Variants in SFMBT2 observed in about 807,000 individuals in gnomAD.
SFMBT2 encodes Scm like with four mbt domains 2.
SFMBT2 carries 38 observed loss-of-function variants against 110.1 expected under a neutral mutation model. The observed-to-expected ratio is 0.35, with a 90% confidence interval of 0.27 to 0.45. The LOEUF is 0.45. SFMBT2 is among the 20% of genes least tolerant of loss of function. SFMBT2 has a pLI of 1.00. For missense variants in SFMBT2, 1,011 were observed against 1,094.9 expected, an observed-to-expected ratio of 0.92 and a Z score of 1.08; for synonymous variants, 425 against 425.4, an observed-to-expected ratio of 1.00 and a Z score of 0.01.
At chr10:7,203,716 GCTT>G in intron 12 of SFMBT2, 1 of 980,290 alleles carries the variant, frequency 1.0e-6, no homozygotes, top group Non-Finnish European at 1.2e-6. Flanking sequence ...AGAATCTGCA[GCTT>G]TTTTTTTGTG....
At chr10:7,234,286 T>G (rs187377742) in intron 9 of SFMBT2, among the ~76,000 whole-genome samples, 20 of 152,254 alleles carry the variant, frequency 1.3e-4, no homozygotes, top group African/African-American at 4.6e-4. Context: ...CCCTACCGCC[T>G]TCCTTATCTT....
At chr10:7,274,503 G>A (rs1841704340) in intron 7 of SFMBT2, among the ~76,000 whole-genome samples, 1 of 152,030 alleles carries the variant, frequency 6.6e-6, no homozygotes, top group South Asian at 2.1e-4. Context: ...TGATGATAAG[G>A]GCCTTCCCCC....
intron 4 of SFMBT2, among the ~76,000 whole-genome samples, chr10:7,356,074 T>C (rs1844500371): frequency 6.6e-6 from 1 of 152,216 alleles, no homozygotes; most frequent in Non-Finnish European, 1.5e-5. Context: ...GCACAAGAGA[T>C]GCAGAGAATT....
chr10:7,212,030 G>A (rs190506559), intron 11 of SFMBT2, among the ~76,000 whole-genome samples: 2 of 152,134 alleles, frequency 1.3e-5, no homozygotes, highest in African/African-American at 4.8e-5. Context: ...CAAACTCTAG[G>A]CTGCATGAGA....
intron 8 of SFMBT2, chr10:7,246,153 C>T (rs1003726250): frequency 1.1e-5 from 11 of 984,598 alleles, no homozygotes; most frequent in African/African-American, 3.5e-5. Context: ...GGGGTGTATA[C>T]GAAACGGCAT....
At chr10:7,319,034 G>A (rs769990017) in intron 4 of SFMBT2, among the ~76,000 whole-genome samples, 2 of 152,226 alleles carry the variant, frequency 1.3e-5, no homozygotes, top group Non-Finnish European at 2.9e-5. Flanking sequence ...AGGGCCACAC[G>A]AGGGATCGCA....
intron 4 of SFMBT2, among the ~76,000 whole-genome samples, chr10:7,359,473 C>T (rs994221375): frequency 1.3e-5 from 2 of 152,198 alleles, no homozygotes; most frequent in Non-Finnish European, 2.9e-5. Flanking sequence ...CAACTCCCCC[C>T]TCGAATTCCA....
chr10:7,167,822 A>AT (rs1837736830), intron 20 of SFMBT2, among the ~76,000 whole-genome samples: 1 of 152,140 alleles, frequency 6.6e-6, no homozygotes, highest in Non-Finnish European at 1.5e-5. Flanking sequence ...AAGTCTATCT[A>AT]TTTTTCTCTC....
chr10:7,344,490 G>A (rs1844039038), intron 4 of SFMBT2, among the ~76,000 whole-genome samples: 1 of 152,278 alleles, frequency 6.6e-6, no homozygotes, highest in South Asian at 2.1e-4. Flanking sequence ...CCATAATTGT[G>A]AGGCTTCCCC....
intron 11 of SFMBT2, chr10:7,207,577 C>A: frequency 1.0e-6 from 1 of 978,682 alleles, no homozygotes; most frequent in Non-Finnish European, 1.2e-6. Context: ...AAGAAAATAA[C>A]CTGGTGAGCC....
At chr10:7,198,559 C>T (rs1268576156) in intron 14 of SFMBT2, among the ~76,000 whole-genome samples, 1 of 152,164 alleles carries the variant, frequency 6.6e-6, no homozygotes, top group Non-Finnish European at 1.5e-5. Flanking sequence ...CTACATCTAC[C>T]CCAACAATGG....
At chr10:7,199,125 T>C (rs1330217229) in intron 14 of SFMBT2, among the ~76,000 whole-genome samples, 1 of 151,958 alleles carries the variant, frequency 6.6e-6, no homozygotes, top group East Asian at 2.0e-4. Flanking sequence ...ATCACAGGCA[T>C]GCACCACCAT....
At chr10:7,386,161 G>A (rs575266579) in intron 1 of SFMBT2, among the ~76,000 whole-genome samples, 15 of 152,244 alleles carry the variant, frequency 9.9e-5, no homozygotes, top group East Asian at 3.9e-4. Context: ...GCTCAGGGAC[G>A]GCTTCCCTGT....
chr10:7,226,479 C>T (rs762489717), intron 10 of SFMBT2, among the ~76,000 whole-genome samples: 3 of 152,212 alleles, frequency 2.0e-5, no homozygotes, highest in Non-Finnish European at 2.9e-5. Context: ...GCAACGAAAC[C>T]GCAAGCTCCA....
intron 10 of SFMBT2, 86 bp downstream of exon 10, chr10:7,227,769 G>T: frequency 1.8e-6 from 2 of 1,142,784 alleles, no homozygotes; most frequent in Non-Finnish European, 2.6e-6. Context: ...CTCCAACCGT[G>T]CTTCATCAAT....
intron 4 of SFMBT2, among the ~76,000 whole-genome samples, chr10:7,358,299 T>C (rs1256999981): frequency 6.6e-6 from 1 of 151,580 alleles, no homozygotes; most frequent in Non-Finnish European, 1.5e-5. Context: ...AACATCTGCA[T>C]GGCCATGGAA....
chr10:7,309,941 A>G (rs1333935517), intron 4 of SFMBT2, among the ~76,000 whole-genome samples: 1 of 152,196 alleles, frequency 6.6e-6, no homozygotes, highest in Admixed American at 6.5e-5. Context: ...TAATAGTATC[A>G]GCACTATTGA....
intron 7 of SFMBT2, among the ~76,000 whole-genome samples, chr10:7,266,511 G>C (rs1258474124): frequency 6.6e-6 from 1 of 152,190 alleles, no homozygotes; most frequent in Non-Finnish European, 1.5e-5. Context: ...GGAGTAAGCA[G>C]GTGTCAGTGG....
chr10:7,271,603 T>A (rs1419113023), intron 7 of SFMBT2, among the ~76,000 whole-genome samples: 1 of 152,168 alleles, frequency 6.6e-6, no homozygotes, highest in African/African-American at 2.4e-5. Flanking sequence ...CTTTGGGGAA[T>A]CTATATTTGA....
Sources: allele counts gnomAD v4.1 joint callset (sites outside exome capture counted in the v4.1 genomes callset), GRCh38; gene constraint gnomAD v4.1.1; transcripts MANE v1.5; gene names NCBI Gene and HGNC (gene_info 2026-07-23, HGNC 2026-07-21).